The following MEIS2 variants were observed in gnomAD, a reference collection of about 807,000 sequenced individuals.
MEIS2 encodes homeobox protein Meis2.
MEIS2 carries 9 observed loss-of-function variants against 58.6 expected under a neutral mutation model. That is an observed-to-expected ratio of 0.15 (90% CI 0.09 to 0.27). The LOEUF is 0.27. Ranked by LOEUF, MEIS2 falls within the 10% of genes least tolerant of loss-of-function variation. The probability of loss-of-function intolerance (pLI) is 1.00; values close to 1 mark genes in which losing one functional copy is unlikely to be tolerated. For synonymous variants in MEIS2, 221 were observed against 228.4 expected (o/e 0.97, Z 0.29); for missense variants, 427 against 635.0 (o/e 0.67, Z 3.52).
intron 9 of MEIS2, among the ~76,000 whole-genome samples, chr15:36,948,487 A>G (rs2058650008): frequency 6.6e-6 from 1 of 152,050 alleles, no homozygotes; most frequent in Admixed American, 6.6e-5. Context: ...TTCAAAAAGA[A>G]CAAGATCAAA....
At chr15:36,933,117 T>C (rs2058041282) in intron 9 of MEIS2, among the ~76,000 whole-genome samples, 2 of 152,156 alleles carry the variant, frequency 1.3e-5, no homozygotes, top group South Asian at 4.1e-4. Context: ...TAGTCTGTTG[T>C]ACTCCAGAGT....
intron 11 of MEIS2, chr15:36,894,808 A>T (rs552057660): frequency 6.2e-7 from 1 of 1,611,148 alleles, no homozygotes; most frequent in East Asian, 2.2e-5. Context: ...TTCCACTCAT[A>T]GGTCCTAGAA....
chr15:37,066,774 C>T (rs771209435), intron 7 of MEIS2, among the ~76,000 whole-genome samples: 3 of 151,978 alleles, frequency 2.0e-5, no homozygotes, highest in Non-Finnish European at 1.5e-5. Context: ...GTATTAAGAG[C>T]AACTAACTTT....
intron 9 of MEIS2, among the ~76,000 whole-genome samples, chr15:36,920,410 G>A (rs1289429450): frequency 6.6e-6 from 1 of 152,188 alleles, no homozygotes; most frequent in Non-Finnish European, 1.5e-5. Context: ...GCCTCCCAAA[G>A]TGCTGGGATT....
At chr15:36,902,204 G>A (rs2056510520) in intron 9 of MEIS2, among the ~76,000 whole-genome samples, 1 of 152,198 alleles carries the variant, frequency 6.6e-6, no homozygotes. Context: ...CTCCTAAATA[G>A]CTCTGTTCTC....
chr15:37,008,335 G>T (rs1398120937), intron 8 of MEIS2, among the ~76,000 whole-genome samples: 1 of 152,140 alleles, frequency 6.6e-6, no homozygotes, highest in Non-Finnish European at 1.5e-5. Context: ...CCCATAGTTG[G>T]AAGTTTTGCA....
intron 7 of MEIS2, among the ~76,000 whole-genome samples, chr15:37,048,373 A>G (rs573782506): frequency 8.5e-5 from 13 of 152,246 alleles, no homozygotes; most frequent in African/African-American, 3.1e-4. Flanking sequence ...AAGAAATAAC[A>G]AAAAAGCAAA....
chr15:36,980,501 C>T (rs1227492334), intron 8 of MEIS2, among the ~76,000 whole-genome samples: 1 of 152,058 alleles, frequency 6.6e-6, no homozygotes, highest in African/African-American at 2.4e-5. Flanking sequence ...GGAAAACTCC[C>T]CCTTATAATA....
At chr15:36,988,378 A>G (rs1039746865) in intron 8 of MEIS2, among the ~76,000 whole-genome samples, 2 of 152,094 alleles carry the variant, frequency 1.3e-5, no homozygotes, top group Non-Finnish European at 2.9e-5. Flanking sequence ...TTGTTTATCT[A>G]TTTCTTAATT....
At chr15:37,021,944 T>A (rs761804863) in intron 8 of MEIS2, among the ~76,000 whole-genome samples, 2 of 152,254 alleles carry the variant, frequency 1.3e-5, no homozygotes, top group African/African-American at 4.8e-5. Context: ...TATCTCAAAA[T>A]ACTTTTGGAA....
intron 7 of MEIS2, among the ~76,000 whole-genome samples, chr15:37,059,424 C>A (rs895855181): frequency 1.3e-5 from 2 of 152,104 alleles, no homozygotes; most frequent in African/African-American, 4.8e-5. Context: ...GAATTACAGG[C>A]TCTTTCAAAT....
chr15:36,936,670 TAAAG>T (rs900009563), intron 9 of MEIS2, among the ~76,000 whole-genome samples: 1 of 152,190 alleles, frequency 6.6e-6, no homozygotes, highest in African/African-American at 2.4e-5. Flanking sequence ...CTTCTTTAAA[TAAAG>T]ATTTAAGAGT....
At chr15:37,085,188 A>G (rs999694264) in intron 6 of MEIS2, among the ~76,000 whole-genome samples, 2 of 152,228 alleles carry the variant, frequency 1.3e-5, no homozygotes, top group Non-Finnish European at 2.9e-5. Context: ...TACAAAGTAT[A>G]TCACTAAAAA....
chr15:36,994,096 G>A (rs2060393674), intron 8 of MEIS2, among the ~76,000 whole-genome samples: 1 of 152,120 alleles, frequency 6.6e-6, no homozygotes, highest in Non-Finnish European at 1.5e-5. Context: ...AGAACTTGAG[G>A]AGAGTGGTGC....
chr15:36,975,474 T>G (rs199812377), intron 8 of MEIS2, among the ~76,000 whole-genome samples: 1 of 141,432 alleles, frequency 7.1e-6, no homozygotes. Flanking sequence ...TAAGGGTTTT[T>G]TTTTTTTTTT....
Position 36,892,446 on chromosome 15 carries a change from C to T in MEIS2, c.1161G>A (p.Met387Ile). 1 of 1,611,864 alleles carries T rather than the reference C, an allele frequency of 6.2e-7. No individual in the cohort carries two copies. Among genetic ancestry groups the T allele is most frequent in the East Asian group, 2.2e-5 (1 of 44,766 alleles). Residue 387 changes from methionine to isoleucine, a missense_variant, in exon 12 of 12, where the codon ATG becomes ATA. Coordinates refer to ENST00000561208, the MANE Select transcript of MEIS2 (RefSeq NM_170675.5). ...CACCCTGAGAAACGTAGTCCCCTGG[C>T]ATGCTCTGCAAACCTGAAAATAGAG... ...MGIRPAGLQS[M>I]PGDYVSQGGP...
chr15:36,964,372 A>C lies in MEIS2; in HGVS notation c.901-13972T>G, dbSNP rs1363623816. Among the ~76,000 whole-genome samples, 3 of 152,206 alleles carry C rather than the reference A, an allele frequency of 2.0e-5. No individual in the cohort carries two copies. In the South Asian group the frequency reaches 6.2e-4, roughly 31 times the overall value. Reference sequence around the variant, plus strand: ...TTCTTCAGTGCTTGACCTGAGTCTGAAACAGGGAATGTCTCATTTAGAGTG... The same window carrying C: ...TTCTTCAGTGCTTGACCTGAGTCTGCAACAGGGAATGTCTCATTTAGAGTG... On this transcript the variant is annotated intron_variant, in intron 8 of 11. Transcript: ENST00000561208.
intron 9 of MEIS2, among the ~76,000 whole-genome samples, chr15:36,918,999 T>C (rs2057389919): frequency 6.6e-6 from 1 of 152,172 alleles, no homozygotes; most frequent in African/African-American, 2.4e-5. Context: ...GGCTCATGCC[T>C]GTAATTCCAC....
At chr15:36,973,074 C>T (rs895210112) in intron 8 of MEIS2, among the ~76,000 whole-genome samples, 1 of 152,122 alleles carries the variant, frequency 6.6e-6, no homozygotes, top group Non-Finnish European at 1.5e-5. Flanking sequence ...ACTTGGCCAT[C>T]GGAAACTAAA....
Sources: allele counts gnomAD v4.1 joint callset (sites outside exome capture counted in the v4.1 genomes callset), GRCh38; gene constraint gnomAD v4.1.1; transcripts MANE v1.5; gene names NCBI Gene and HGNC (gene_info 2026-07-23, HGNC 2026-07-21).